The following FRAS1 variants were observed in gnomAD, a reference collection of about 807,000 sequenced individuals.
FRAS1 encodes the protein Fraser extracellular matrix complex subunit 1, also known as extracellular matrix organizing protein FRAS1.
In FRAS1, 290 loss-of-function variants were observed where a neutral mutation model predicts 435.2. That is an observed-to-expected ratio of 0.67 (90% CI 0.61 to 0.73). The LOEUF is 0.73. FRAS1 is among the 30% of genes least tolerant of loss of function. The probability of loss-of-function intolerance (pLI) is 0.00; values close to 1 mark genes in which losing one functional copy is unlikely to be tolerated. For synonymous variants in FRAS1, 1,800 were observed against 1,851.0 expected, an observed-to-expected ratio of 0.97 and a Z score of 0.71; for missense variants, 4,860 against 5,001.5, an observed-to-expected ratio of 0.97 and a Z score of 0.85.
chr4:78,248,733 G>A (rs1181637981), intron 4 of FRAS1, among the ~76,000 whole-genome samples: 1 of 151,936 alleles, frequency 6.6e-6, no homozygotes. Flanking sequence ...TTGTATTTTT[G>A]TTCTGTCAGT....
At chr4:78,235,052 C>A (rs745699226) in intron 2 of FRAS1, among the ~76,000 whole-genome samples, 1 of 152,166 alleles carries the variant, frequency 6.6e-6, no homozygotes, top group Non-Finnish European at 1.5e-5. Context: ...GGAACTTGGG[C>A]AGAAATGCTA....
At position 78,252,398 on chromosome 4, in the gene FRAS1, A is replaced by G. The variant is rs1297200817; in HGVS notation, c.316A>G (p.Thr106Ala). The G allele has an allele frequency of 1.6e-5, 25 of 1,612,610 alleles. No homozygotes were observed. The highest frequency in any genetic ancestry group is 2.0e-5 in the Non-Finnish European group (24 of 1,179,544). ...HHEKKIHEHG[T>A]EWASSPCSVC... ...CTGTCTCCCTAACACACAGCATGGG[A>G]CAGAATGGGCCTCTTCTCCATGTAG... Residue 106 changes from threonine to alanine, a missense_variant, in exon 5 of 74, where the codon ACA (threonine) becomes GCA (alanine). Coordinates refer to ENST00000512123, the MANE Select transcript of FRAS1 (RefSeq NM_025074.7).
chr4:78,133,953 G>GTTT lies in FRAS1; in HGVS notation c.108+67947_108+67949dup, dbSNP rs776528593. ...AGGTGAGGGAGCTGAGATGGACTAG[G>GTTT]TTTTTTTTTTTTGTTTTTTTTTTTG... On this transcript the variant is annotated intron_variant, in intron 2 of 73. Transcript: ENST00000512123. 4.0e-4 allele frequency among the ~76,000 whole-genome samples: 53 copies of GTTT among 133,950 alleles called. 1 individual carries two copies. The highest frequency in any genetic ancestry group is 1.2e-3 in the South Asian group (5 of 4,194). The allele number at this position is 133,950 out of a possible 152,430, so 87.9% of individuals were successfully genotyped here. A position where few individuals can be genotyped will look rare whatever the true frequency, so the allele number is the denominator to read the frequency against.
chr4:78,441,356 G>C, intron 41 of FRAS1, 59 bp downstream of exon 41: 14 of 1,488,088 alleles, frequency 9.4e-6, no homozygotes, highest in Non-Finnish European at 1.2e-5. Flanking sequence ...GAGGGAGGAG[G>C]ACCTTGCTTC....
intron 47 of FRAS1, among the ~76,000 whole-genome samples, chr4:78,452,735 G>A (rs1002420973): frequency 2.6e-5 from 4 of 152,218 alleles, no homozygotes; most frequent in Non-Finnish European, 5.9e-5. Context: ...GTGAGCAAGT[G>A]TACTGAGCAA....
intron 26 of FRAS1, chr4:78,379,249 A>T (rs1453361899): frequency 6.5e-6 from 1 of 154,972 alleles, no homozygotes; most frequent in Non-Finnish European, 1.4e-5. Flanking sequence ...TGTTTGGCAG[A>T]TGCGGTGGTA....
At chr4:78,422,737 A>G (rs1255685106) in intron 34 of FRAS1, among the ~76,000 whole-genome samples, 3 of 152,176 alleles carry the variant, frequency 2.0e-5, no homozygotes, top group Non-Finnish European at 4.4e-5. Context: ...GTTTTCAGGT[A>G]TAGGGAACTA....
intron 2 of FRAS1, among the ~76,000 whole-genome samples, chr4:78,082,066 A>G (rs1161067050): frequency 6.6e-6 from 1 of 152,100 alleles, no homozygotes; most frequent in Non-Finnish European, 1.5e-5. Flanking sequence ...TTTTTATCAA[A>G]AGATGCATGA....
intron 14 of FRAS1, among the ~76,000 whole-genome samples, chr4:78,289,740 AT>A (rs1021138725): frequency 7.2e-5 from 11 of 151,900 alleles, no homozygotes; most frequent in Admixed American, 2.0e-4. Context: ...GCTCTCACCC[AT>A]TTCCAGGAAT....
At chr4:78,380,120 C>T in intron 27 of FRAS1, 124 bp downstream of exon 27, 1 of 1,038,506 alleles carries the variant, frequency 9.6e-7, no homozygotes, top group South Asian at 1.7e-5. Context: ...GATCAATACT[C>T]CACAAGCCCA....
chr4:78,319,401 GC>G, intron 18 of FRAS1: 2 of 457,490 alleles, frequency 4.4e-6, no homozygotes, highest in Middle Eastern at 6.5e-4. Flanking sequence ...AGTGATTTCT[GC>G]TGTTTGCCTT....
chr4:78,248,603 T>A (rs1176330280), intron 4 of FRAS1, among the ~76,000 whole-genome samples: 1 of 152,146 alleles, frequency 6.6e-6, no homozygotes, highest in Non-Finnish European at 1.5e-5. Context: ...AAGTATTGAG[T>A]TCTTCAGCCT....
chr4:78,220,890 A>G (rs114813289), intron 2 of FRAS1, among the ~76,000 whole-genome samples: 1 of 152,180 alleles, frequency 6.6e-6, no homozygotes, highest in African/African-American at 2.4e-5. Context: ...ATTAAAAAAT[A>G]ATACAGGCTG....
intron 2 of FRAS1, among the ~76,000 whole-genome samples, chr4:78,109,018 C>G (rs1742544544): frequency 2.1e-5 from 1 of 48,074 alleles, no homozygotes. Flanking sequence ...ATACATTCCT[C>G]GACACATACA....
At chr4:78,270,179 T>G (rs1726587593) in intron 9 of FRAS1, among the ~76,000 whole-genome samples, 1 of 152,250 alleles carries the variant, frequency 6.6e-6, no homozygotes, top group Non-Finnish European at 1.5e-5. Flanking sequence ...AGGCTGCTTC[T>G]GTAAATAGAA....
Position 78,407,828 on chromosome 4 carries a change from C to T in FRAS1, c.4295C>T (p.Ser1432Phe). ...TCAGGAGCCCCAGCCCAGAGCGACT[C>T]CTTCCGCTTCGAGGTACCCTCTGCT... ...RHSGAPAQSD[S>F]FRFEVSSASN... Residue 1432 changes from serine (S) to phenylalanine (F), a missense_variant, in exon 31 of 74, where the codon TCC (serine) becomes TTC (phenylalanine). Ser to Phe is a radical substitution (Grantham distance 155). Coordinates refer to ENST00000512123, the MANE Select transcript of FRAS1 (RefSeq NM_025074.7). The T allele has an allele frequency of 6.2e-7, 1 of 1,600,986 alleles. No individual in the cohort carries two copies. Among genetic ancestry groups the T allele is most frequent in the Non-Finnish European group, 8.5e-7 (1 of 1,173,144 alleles).
intron 2 of FRAS1, among the ~76,000 whole-genome samples, chr4:78,218,486 C>T (rs1723900696): frequency 6.6e-6 from 1 of 152,172 alleles, no homozygotes. Flanking sequence ...TGGACAGTTG[C>T]AGACTGTGTG....
At chr4:78,313,591 C>T (rs345522) in intron 15 of FRAS1, among the ~76,000 whole-genome samples, 3,305 of 152,300 alleles carry the variant, frequency 0.022, 133 homozygotes, top group African/African-American at 0.075. Flanking sequence ...CACTCTCCCT[C>T]ACCTCCTTCC....
At chr4:78,339,645 G>A (rs10016668) in intron 20 of FRAS1, among the ~76,000 whole-genome samples, 2 of 152,216 alleles carry the variant, frequency 1.3e-5, no homozygotes, top group Non-Finnish European at 2.9e-5. Context: ...TAGCACGTGG[G>A]CCATTCATGA....
Sources: gnomAD v4.1 joint callset for allele counts (sites outside exome capture counted in the v4.1 genomes callset) on GRCh38, gnomAD v4.1.1 for gene constraint, MANE v1.5 for transcripts, NCBI Gene and HGNC (gene_info 2026-07-23, HGNC 2026-07-21) for gene names.